Variants in PCDH9 observed in about 807,000 individuals in gnomAD.
The protein encoded by PCDH9 is protocadherin-9.
PCDH9 carries 24 observed loss-of-function variants against 70.6 expected under a neutral mutation model. The observed-to-expected ratio is 0.34, with a 90% CI of 0.25 to 0.48. The LOEUF (loss-of-function observed/expected upper bound fraction) is 0.48, where lower values mean the gene tolerates loss of function less well. Among genes scored for constraint, PCDH9 ranks in the 20% least tolerant of loss-of-function variants. The pLI, the probability that PCDH9 is intolerant of heterozygous loss-of-function variation, is 0.99. For missense variants in PCDH9, 1,281 were observed against 1,503.6 expected (o/e 0.85, Z 2.45); for synonymous variants, 562 against 558.5 (o/e 1.01, Z -0.09).
intron 2 of PCDH9, chr13:67,205,804 T>C (rs1182723346): frequency 6.6e-6 from 1 of 152,242 alleles, no homozygotes; most frequent in Non-Finnish European, 1.5e-5. Context: ...CTAGACATTT[T>C]ATCAATATAC....
intron 2 of PCDH9, among the ~76,000 whole-genome samples, chr13:67,118,317 T>C (rs536004492): frequency 6.6e-6 from 1 of 152,290 alleles, no homozygotes; most frequent in South Asian, 2.1e-4. Context: ...TTGATTTCAT[T>C]TTCTTACACT....
intron 3 of PCDH9, among the ~76,000 whole-genome samples, chr13:66,787,626 A>G (rs1271646596): frequency 6.6e-6 from 1 of 152,058 alleles, no homozygotes; most frequent in Admixed American, 6.6e-5. Context: ...AAAAAAAAAG[A>G]AAAAAAGAAA....
intron 4 of PCDH9, among the ~76,000 whole-genome samples, chr13:66,517,278 C>G (rs796259665): frequency 6.6e-6 from 1 of 151,932 alleles, no homozygotes; most frequent in Non-Finnish European, 1.5e-5. Flanking sequence ...TGTAACTGAC[C>G]GATTTATTAA....
chr13:67,063,116 T>G (rs537462890), intron 2 of PCDH9, among the ~76,000 whole-genome samples: 62 of 152,242 alleles, frequency 4.1e-4, no homozygotes, highest in African/African-American at 1.5e-3. Context: ...CCATCTCAGG[T>G]CAGCGGGTGG....
intron 4 of PCDH9, among the ~76,000 whole-genome samples, chr13:66,616,597 T>C (rs1403859444): frequency 1.3e-5 from 2 of 150,678 alleles, no homozygotes; most frequent in Non-Finnish European, 2.9e-5. Flanking sequence ...GAATGGGTAA[T>C]GTAAAAATCT....
intron 4 of PCDH9, among the ~76,000 whole-genome samples, chr13:66,322,498 C>T (rs1057208631): frequency 2.0e-5 from 3 of 152,006 alleles, no homozygotes; most frequent in Non-Finnish European, 4.4e-5. Context: ...CAATATATGC[C>T]TGTTTATGAT....
rs116751849 is a variant in PCDH9, at chr13:66,557,145, C to T, written c.3340+74065G>A. Among the ~76,000 whole-genome samples, 598 of 152,174 alleles carry T rather than the reference C, an allele frequency of 3.9e-3. 2 individuals are homozygous for T. The highest frequency in any genetic ancestry group is 0.014 in the African/African-American group (566 of 41,528). ...CCACCCTTTCAAGTTCAAATGGATG[C>T]GAGGAGAATATAAGAGGAAATAATT... On this transcript the variant is annotated intron_variant, in intron 4 of 4. Coordinates refer to ENST00000377865, the MANE Select transcript of PCDH9 (RefSeq NM_203487.3).
chr13:66,982,374 AAT>A (rs1234715959), intron 2 of PCDH9, among the ~76,000 whole-genome samples: 3 of 152,208 alleles, frequency 2.0e-5, no homozygotes, highest in East Asian at 1.9e-4. Context: ...GCTACTATAA[AAT>A]ATATGTTTGC....
intron 3 of PCDH9, among the ~76,000 whole-genome samples, chr13:66,708,276 C>G (rs559265550): frequency 6.6e-6 from 1 of 151,962 alleles, no homozygotes; most frequent in South Asian, 2.1e-4. Context: ...GTCTCGATCT[C>G]CTGATCTCGT....
At chr13:66,576,616 C>A (rs905440490) in intron 4 of PCDH9, among the ~76,000 whole-genome samples, 4 of 152,008 alleles carry the variant, frequency 2.6e-5, no homozygotes, top group Non-Finnish European at 5.9e-5. Context: ...ATCATAATTA[C>A]GTATTGACAA....
chr13:66,476,479 T>C (rs1958732022), intron 4 of PCDH9, among the ~76,000 whole-genome samples: 1 of 152,084 alleles, frequency 6.6e-6, no homozygotes, highest in Non-Finnish European at 1.5e-5. Context: ...GCAATCCTAA[T>C]TAACTGTAAC....
chr13:66,611,570 C>T (rs1035290888), intron 4 of PCDH9, among the ~76,000 whole-genome samples: 7 of 152,066 alleles, frequency 4.6e-5, no homozygotes, highest in Non-Finnish European at 1.0e-4. Flanking sequence ...TGCTAAATCA[C>T]ATGATTTTTA....
chr13:66,335,521 T>C (rs1471056159), intron 4 of PCDH9, among the ~76,000 whole-genome samples: 1 of 152,142 alleles, frequency 6.6e-6, no homozygotes, highest in Non-Finnish European at 1.5e-5. Context: ...CAGATACACA[T>C]TATCTTATGT....
intron 3 of PCDH9, among the ~76,000 whole-genome samples, chr13:66,881,862 G>C (rs371051126): frequency 7.7e-4 from 118 of 152,264 alleles, no homozygotes; most frequent in African/African-American, 2.7e-3. Flanking sequence ...TAGTGTTATA[G>C]GGAGGTAGAA....
intron 3 of PCDH9, among the ~76,000 whole-genome samples, chr13:66,650,627 T>C (rs1004935125): frequency 1.3e-5 from 2 of 151,902 alleles, no homozygotes; most frequent in African/African-American, 4.8e-5. Context: ...CCCTTCACAG[T>C]GGACTTAGTA....
chr13:66,655,855 C>G (rs2077920954), intron 3 of PCDH9, among the ~76,000 whole-genome samples: 1 of 152,202 alleles, frequency 6.6e-6, no homozygotes, highest in African/African-American at 2.4e-5. Flanking sequence ...TCTTTATTTT[C>G]CGCTGTTCTA....
chr13:67,181,580 G>A (rs919130472), intron 2 of PCDH9, among the ~76,000 whole-genome samples: 9 of 152,186 alleles, frequency 5.9e-5, no homozygotes, highest in African/African-American at 2.2e-4. Flanking sequence ...TGTAATGGAG[G>A]TGATACAAAG....
intron 3 of PCDH9, among the ~76,000 whole-genome samples, chr13:66,755,991 T>C (rs2079533357): frequency 6.6e-6 from 1 of 152,134 alleles, no homozygotes; most frequent in African/African-American, 2.4e-5. Flanking sequence ...TTATTAATAA[T>C]GATTGCCCAG....
intron 4 of PCDH9, among the ~76,000 whole-genome samples, chr13:66,463,525 A>G (rs2138460088): frequency 6.6e-6 from 1 of 151,970 alleles, no homozygotes; most frequent in South Asian, 2.1e-4. Flanking sequence ...AGGATTTGTA[A>G]GTATTTATTG....
Sources: gnomAD v4.1 joint callset for allele counts (sites outside exome capture counted in the v4.1 genomes callset) on GRCh38, gnomAD v4.1.1 for gene constraint, MANE v1.5 for transcripts, NCBI Gene and HGNC (gene_info 2026-07-23, HGNC 2026-07-21) for gene names.